The following KDM4B variants were observed in gnomAD, a reference collection of about 807,000 sequenced individuals.
The protein encoded by KDM4B is lysine demethylase 4B, also known as lysine-specific demethylase 4B.
KDM4B carries 32 observed loss-of-function variants against 125.2 expected under a neutral mutation model. The observed-to-expected ratio is 0.26, with a 90% CI of 0.19 to 0.34. KDM4B has a LOEUF of 0.34. Ranked by LOEUF, KDM4B falls within the 10% of genes least tolerant of loss-of-function variation. The pLI is 1.00. For missense variants in KDM4B, 1,190 were observed against 1,577.7 expected, an observed-to-expected ratio of 0.75 and a Z score of 4.16; for synonymous variants, 721 against 677.9, an observed-to-expected ratio of 1.06 and a Z score of -0.99.
At chr19:4,989,154 G>A (rs959224370) in intron 1 of KDM4B, among the ~76,000 whole-genome samples, 4 of 152,204 alleles carry the variant, frequency 2.6e-5, no homozygotes, top group Admixed American at 1.3e-4. Context: ...AGTCGCTGCC[G>A]TGGAGGGCTT....
intron 6 of KDM4B, among the ~76,000 whole-genome samples, chr19:5,062,806 A>C (rs1004885446): frequency 8.5e-6 from 1 of 118,020 alleles, no homozygotes; most frequent in Non-Finnish European, 1.7e-5. Flanking sequence ...TTAGAGATAG[A>C]GTTTCCCTCT....
intron 21 of KDM4B, among the ~76,000 whole-genome samples, chr19:5,148,475 G>A (rs2039889501): frequency 6.6e-6 from 1 of 152,244 alleles, no homozygotes; most frequent in Admixed American, 6.5e-5. Flanking sequence ...TTTCCACTGA[G>A]TTTCTAGAAC....
At chr19:4,992,596 T>A (rs1233292533) in intron 1 of KDM4B, among the ~76,000 whole-genome samples, 1 of 152,096 alleles carries the variant, frequency 6.6e-6, no homozygotes, top group Non-Finnish European at 1.5e-5. Flanking sequence ...CAGAGGCATG[T>A]GCTACTATCC....
At chr19:5,050,365 T>C (rs2037180184) in intron 6 of KDM4B, among the ~76,000 whole-genome samples, 1 of 152,236 alleles carries the variant, frequency 6.6e-6, no homozygotes, top group African/African-American at 2.4e-5. Context: ...AAAATCTCTT[T>C]GGCAATGCGG....
At chr19:5,025,824 T>C (rs1366472849) in intron 2 of KDM4B, among the ~76,000 whole-genome samples, 1 of 152,240 alleles carries the variant, frequency 6.6e-6, no homozygotes, top group Non-Finnish European at 1.5e-5. Flanking sequence ...ACCTCTCTGG[T>C]CCCAAACCAA....
intron 21 of KDM4B, among the ~76,000 whole-genome samples, chr19:5,146,600 T>C (rs1367829620): frequency 2.0e-5 from 3 of 152,162 alleles, no homozygotes; most frequent in Non-Finnish European, 2.9e-5. Context: ...TAATCCCTGC[T>C]CAGCTCACCT....
intron 2 of KDM4B, among the ~76,000 whole-genome samples, chr19:5,029,687 T>C (rs1029677097): frequency 9.9e-5 from 15 of 151,972 alleles, no homozygotes; most frequent in Non-Finnish European, 2.2e-4. Flanking sequence ...ATTAGCCAGG[T>C]GTGGTGGCAC....
chr19:5,077,027 TCCC>T (rs1054665913), intron 7 of KDM4B: 3 of 311,088 alleles, frequency 9.6e-6, no homozygotes, highest in African/African-American at 6.4e-5. Flanking sequence ...CCCTGGTCCT[TCCC>T]CTGGTGAGGA....
At chr19:4,998,945 C>A (rs2035285499) in intron 1 of KDM4B, among the ~76,000 whole-genome samples, 1 of 152,178 alleles carries the variant, frequency 6.6e-6, no homozygotes, top group Non-Finnish European at 1.5e-5. Context: ...TAATTTGTCC[C>A]ATTTCTGGTG....
chr19:4,986,814 G>T (rs536234726), intron 1 of KDM4B, among the ~76,000 whole-genome samples: 1 of 152,352 alleles, frequency 6.6e-6, no homozygotes, highest in East Asian at 1.9e-4. Context: ...GGAACGAGGC[G>T]CAGCTCACTG....
chr19:5,135,065 G>A (rs528104247), intron 14 of KDM4B, among the ~76,000 whole-genome samples: 3 of 152,276 alleles, frequency 2.0e-5, no homozygotes, highest in Admixed American at 6.5e-5. Flanking sequence ...CAGCACCAGG[G>A]GCCACACAGG....
intron 9 of KDM4B, among the ~76,000 whole-genome samples, chr19:5,090,681 C>T (rs2038681952): frequency 7.2e-6 from 1 of 138,642 alleles, no homozygotes; most frequent in East Asian, 2.1e-4. Flanking sequence ...ACAGTACCAC[C>T]CTCCATCAAG....
At chr19:5,098,852 C>T (rs1393068808) in intron 9 of KDM4B, among the ~76,000 whole-genome samples, 1 of 152,170 alleles carries the variant, frequency 6.6e-6, no homozygotes, top group Non-Finnish European at 1.5e-5. Flanking sequence ...TCTTGGACTT[C>T]CCAGCCTCCA....
chr19:5,007,209 T>A (rs2035587915), intron 1 of KDM4B, among the ~76,000 whole-genome samples: 1 of 152,244 alleles, frequency 6.6e-6, no homozygotes, highest in African/African-American at 2.4e-5. Flanking sequence ...ATGGCAGCTC[T>A]TGGCCAGGCT....
intron 1 of KDM4B, among the ~76,000 whole-genome samples, chr19:4,972,857 C>G (rs453531): frequency 0.92 from 139,493 of 152,244 alleles, 64,057 homozygotes; most frequent in African/African-American, 0.96. Flanking sequence ...CCTGAGAGGA[C>G]AGGAGCCCCC....
chr19:5,124,185 G>A (rs1599234021), intron 11 of KDM4B, among the ~76,000 whole-genome samples: 1 of 151,886 alleles, frequency 6.6e-6, no homozygotes, highest in African/African-American at 2.4e-5. Context: ...GGGGACCCGG[G>A]CCCACCCAAG....
intron 1 of KDM4B, among the ~76,000 whole-genome samples, chr19:5,015,625 G>C (rs2035868579): frequency 6.6e-6 from 1 of 152,162 alleles, no homozygotes; most frequent in Admixed American, 6.5e-5. Context: ...CAAGGCAGGA[G>C]GATCACTTGA....
intron 1 of KDM4B, among the ~76,000 whole-genome samples, chr19:4,975,971 C>T (rs143305112): frequency 1.2e-4 from 17 of 147,746 alleles, no homozygotes; most frequent in Middle Eastern, 3.4e-3. Context: ...GGGGCATGGC[C>T]GGGTGCGGTG....
Position 5,046,556 on chromosome 19 carries a change from C to T in KDM4B, c.433-920C>T, listed in dbSNP as rs183711275. Among the ~76,000 whole-genome samples, 750 of 152,286 alleles carry T rather than the reference C, an allele frequency of 4.9e-3. 8 individuals are homozygous for T. Among genetic ancestry groups the T allele is most frequent in the African/African-American group, 0.017 (724 of 41,560 alleles). On this transcript the variant is annotated intron_variant, in intron 5 of 22. Transcript: ENST00000159111. ...CGTTCATGTGTGTCTGGGCTCCTCT[C>T]GGCCTCTCAGCAGGCCATGAGCCTC...
Sources: allele counts gnomAD v4.1 joint callset (sites outside exome capture counted in the v4.1 genomes callset), GRCh38; gene constraint gnomAD v4.1.1; transcripts MANE v1.5; gene names NCBI Gene and HGNC (gene_info 2026-07-23, HGNC 2026-07-21).